SND1: variants seen among roughly 807,000 people sequenced by gnomAD.
SND1 encodes staphylococcal nuclease domain-containing protein 1.
SND1 carries 38 observed loss-of-function variants against 121.7 expected under a neutral mutation model. The ratio of observed to expected loss-of-function variants is 0.31; its 90% CI spans 0.24 to 0.41. SND1 has a LOEUF of 0.41. Ranked by LOEUF, SND1 falls within the 10% of genes least tolerant of loss-of-function variation. SND1 has a pLI of 1.00. For synonymous variants in SND1, 401 were observed against 447.4 expected (o/e 0.90, Z 1.31); for missense variants, 868 against 1,184.6 (o/e 0.73, Z 3.92).
intron 10 of SND1, among the ~76,000 whole-genome samples, chr7:127,778,027 A>G (rs1436719341): frequency 1.3e-5 from 2 of 152,136 alleles, no homozygotes; most frequent in Non-Finnish European, 2.9e-5. Flanking sequence ...TTCTTTCTTC[A>G]CAGCTACACT....
chr7:127,718,680 T>C (rs1287118991), intron 9 of SND1: 1 of 985,368 alleles, frequency 1.0e-6, no homozygotes, highest in East Asian at 1.1e-4. Context: ...GCTGCTAACA[T>C]ATTACAAGGG....
At chr7:127,881,338 A>G (rs1799786055) in intron 12 of SND1, among the ~76,000 whole-genome samples, 1 of 152,110 alleles carries the variant, frequency 6.6e-6, no homozygotes, top group Non-Finnish European at 1.5e-5. Context: ...TAAATTTTTT[A>G]TGCTCTTTCT....
chr7:127,932,340 T>A (rs184074329), intron 15 of SND1, among the ~76,000 whole-genome samples: 12 of 152,288 alleles, frequency 7.9e-5, no homozygotes, highest in African/African-American at 2.6e-4. Context: ...AGAACTAGAA[T>A]TAGAAGTAGA....
At chr7:127,701,726 C>T (rs1461861084) in intron 5 of SND1, among the ~76,000 whole-genome samples, 1 of 152,192 alleles carries the variant, frequency 6.6e-6, no homozygotes, top group African/African-American at 2.4e-5. Context: ...CGCTCTTCCT[C>T]CCGGGAATAC....
At chr7:127,758,204 G>C (rs1366465391) in intron 10 of SND1, among the ~76,000 whole-genome samples, 4 of 152,194 alleles carry the variant, frequency 2.6e-5, no homozygotes, top group Admixed American at 2.6e-4. Context: ...TCATAAAACA[G>C]TATTGTTGAT....
chr7:127,962,961 C>T (rs1801767983), intron 15 of SND1, among the ~76,000 whole-genome samples: 1 of 152,210 alleles, frequency 6.6e-6, no homozygotes, highest in African/African-American at 2.4e-5. Flanking sequence ...CTGTAAAAAA[C>T]TTGAGAGTAG....
intron 14 of SND1, among the ~76,000 whole-genome samples, chr7:127,908,816 G>A (rs1800398626): frequency 6.6e-6 from 1 of 152,034 alleles, no homozygotes; most frequent in African/African-American, 2.4e-5. Flanking sequence ...GTTTATTATT[G>A]TTTTTGCTGT....
intron 1 of SND1, among the ~76,000 whole-genome samples, chr7:127,659,597 G>C (rs899227993): frequency 6.6e-6 from 1 of 152,042 alleles, no homozygotes; most frequent in Non-Finnish European, 1.5e-5. Flanking sequence ...AGTCTGCTTG[G>C]GATGGTCTTG....
intron 12 of SND1, among the ~76,000 whole-genome samples, chr7:127,870,858 T>C (rs1390017922): frequency 2.6e-5 from 4 of 152,220 alleles, no homozygotes; most frequent in East Asian, 1.9e-4. Flanking sequence ...ACTGTAACTT[T>C]TATAATGCTT....
intron 7 of SND1, among the ~76,000 whole-genome samples, chr7:127,703,832 G>A (rs1796145767): frequency 6.6e-6 from 1 of 152,184 alleles, no homozygotes; most frequent in East Asian, 1.9e-4. Flanking sequence ...TTAATCTCAA[G>A]TGTTATTGGG....
intron 16 of SND1, among the ~76,000 whole-genome samples, chr7:128,043,014 C>A (rs1177092716): frequency 1.3e-5 from 2 of 152,228 alleles, no homozygotes; most frequent in Non-Finnish European, 2.9e-5. Flanking sequence ...GAAGAACTTT[C>A]TAAGGGCTCA....
chr7:128,023,730 A>G (rs947046241), intron 16 of SND1, among the ~76,000 whole-genome samples: 7 of 152,180 alleles, frequency 4.6e-5, no homozygotes, highest in Non-Finnish European at 8.8e-5. Context: ...TTGGACATAT[A>G]CAATGTTCAA....
chr7:127,835,661 G>A (rs1798854550), intron 11 of SND1, among the ~76,000 whole-genome samples: 1 of 149,490 alleles, frequency 6.7e-6, no homozygotes. Flanking sequence ...AGATAATGGA[G>A]CATTAGCACA....
In SND1 at chr7:127,806,146, T is replaced by C. The variant is rs547944806; in HGVS notation, c.1153-1338T>C. 2.1e-4 allele frequency among the ~76,000 whole-genome samples: 32 copies of C among 152,360 alleles called. 1 individual carries two copies. In the South Asian group the frequency reaches 2.7e-3, roughly 13 times the overall value. On this transcript the variant is annotated intron_variant, in intron 10 of 23. Coordinates refer to ENST00000354725, the MANE Select transcript of SND1 (RefSeq NM_014390.4). ...GGGAGGGAAACATTAAAGTGAAGTA[T>C]ACCAACTGGTGTAGTCAGGATCTCT...
At chr7:127,729,657 A>G (rs1796640305) in intron 10 of SND1, among the ~76,000 whole-genome samples, 1 of 152,130 alleles carries the variant, frequency 6.6e-6, no homozygotes, top group Non-Finnish European at 1.5e-5. Context: ...ATTTTTATGA[A>G]TAAGGTGTTT....
At chr7:128,061,727 C>A (rs1793233927) in intron 16 of SND1, among the ~76,000 whole-genome samples, 1 of 152,252 alleles carries the variant, frequency 6.6e-6, no homozygotes, top group South Asian at 2.1e-4. Flanking sequence ...CCAGGCTGAT[C>A]CAGCCTCTGA....
At chr7:128,081,898 A>G (rs2117060665) in intron 18 of SND1, 1 of 537,640 alleles carries the variant, frequency 1.9e-6, no homozygotes, top group Non-Finnish European at 3.8e-6. Flanking sequence ...GGCATTGCTC[A>G]GCCCGTTTCC....
chr7:127,915,346 T>C (rs1329818458), intron 14 of SND1, among the ~76,000 whole-genome samples: 1 of 152,184 alleles, frequency 6.6e-6, no homozygotes, highest in Non-Finnish European at 1.5e-5. Context: ...AGAGCTGTCA[T>C]TATCATCCTC....
intron 12 of SND1, among the ~76,000 whole-genome samples, chr7:127,847,960 G>A (rs1799097381): frequency 6.6e-6 from 1 of 152,168 alleles, no homozygotes; most frequent in Non-Finnish European, 1.5e-5. Context: ...GGCCATTTAG[G>A]ATAAGGTATG....
Sources: allele counts gnomAD v4.1 joint callset (sites outside exome capture counted in the v4.1 genomes callset), GRCh38; gene constraint gnomAD v4.1.1; transcripts MANE v1.5; gene names NCBI Gene and HGNC (gene_info 2026-07-23, HGNC 2026-07-21).